VAV1: variants seen among roughly 807,000 people sequenced by gnomAD.
The protein encoded by VAV1 is vav guanine nucleotide exchange factor 1.
VAV1 carries 33 observed loss-of-function variants against 128.1 expected under a neutral mutation model. The ratio of observed to expected loss-of-function variants is 0.26; its 90% CI spans 0.20 to 0.34. The LOEUF is 0.34. VAV1 is among the 10% of genes least tolerant of loss of function. The pLI, the probability that VAV1 is intolerant of heterozygous loss-of-function variation, is 1.00. For synonymous variants in VAV1, 394 were observed against 409.8 expected, an observed-to-expected ratio of 0.96 and a Z score of 0.47; for missense variants, 715 against 1,093.7, an observed-to-expected ratio of 0.65 and a Z score of 4.88.
chr19:6,776,718 A>G (rs932722231), intron 1 of VAV1, among the ~76,000 whole-genome samples: 6 of 141,222 alleles, frequency 4.2e-5, no homozygotes, highest in African/African-American at 1.6e-4. Flanking sequence ...CCACCCACCC[A>G]TCTATCCATG....
intron 21 of VAV1, 58 bp from the exon 22 acceptor site, chr19:6,843,077 C>T: frequency 6.4e-7 from 1 of 1,559,324 alleles, no homozygotes; most frequent in Non-Finnish European, 8.8e-7. Flanking sequence ...AGTGCCCTGC[C>T]CTCTGCTGTC....
At chr19:6,804,736 T>G (rs897079183) in intron 1 of VAV1, among the ~76,000 whole-genome samples, 11 of 149,074 alleles carry the variant, frequency 7.4e-5, no homozygotes, top group Admixed American at 1.3e-4. Flanking sequence ...TTTTTTTTTT[T>G]TTTTTGAGAC....
intron 8 of VAV1, 64 bp downstream of exon 8, chr19:6,825,470 G>A: frequency 1.4e-6 from 2 of 1,423,458 alleles, no homozygotes; most frequent in Non-Finnish European, 2.0e-6. Context: ...CTGGGCATCT[G>A]AGAGACCTTA....
At chr19:6,776,353 T>TGTCCATCCATCC (rs1286305983) in intron 1 of VAV1, among the ~76,000 whole-genome samples, 2 of 72,666 alleles carry the variant, frequency 2.8e-5, no homozygotes, top group African/African-American at 8.9e-5. Flanking sequence ...TCCACTCATC[T>TGTCCATCCATCC]ATCCATCCAT....
chr19:6,825,257 T>C (rs1181205157), intron 7 of VAV1, 46 bp from the exon 8 acceptor site: 2 of 1,588,526 alleles, frequency 1.3e-6, no homozygotes, highest in Admixed American at 3.4e-5. Flanking sequence ...CCTGGCCCCC[T>C]GAGCCCTGGG....
At chr19:6,778,962 G>A (rs927613672) in intron 1 of VAV1, among the ~76,000 whole-genome samples, 4 of 147,380 alleles carry the variant, frequency 2.7e-5, no homozygotes, top group Admixed American at 6.7e-5. Flanking sequence ...CTGCAGCCTC[G>A]AACTCCTGTA....
chr19:6,850,481 C>A (rs907182683), intron 23 of VAV1, among the ~76,000 whole-genome samples, 189 bp from the exon 24 acceptor site: 12 of 151,340 alleles, frequency 7.9e-5, no homozygotes, highest in African/African-American at 2.9e-4. Context: ...TCCTCTTCTA[C>A]GAGAGGAAGA....
intron 18 of VAV1, 55 bp downstream of exon 18, chr19:6,833,788 G>C (rs374052579): frequency 2.7e-5 from 44 of 1,613,782 alleles, no homozygotes; most frequent in Non-Finnish European, 1.5e-5. Flanking sequence ...CAACAGCGCG[G>C]GGAGGACCCA....
chr19:6,836,507 G>A lies in VAV1; in HGVS notation c.1853G>A (p.Arg618Gln), dbSNP rs771801566. 38 of 1,613,862 alleles carry A rather than the reference G, an allele frequency of 2.4e-5. No homozygotes were observed. Among genetic ancestry groups the A allele is most frequent in the Non-Finnish European group, 2.8e-5 (33 of 1,180,014 alleles). The stretch of plus-strand genomic sequence containing the variant: ...CCTGGAGCCATTGGACCCTTTCTAC[G>A]GCTCAACCCTGGAGACATTGTGGAG... ...PPPGAIGPFL[R>Q]LNPGDIVELT... The change falls in exon 20 of 27, where the codon CGG (arginine) becomes CAG (glutamine). Residue 618 changes from arginine to glutamine, a missense_variant. By Grantham distance (43) the Arg-to-Gln change is conservative. Coordinates refer to ENST00000602142, the MANE Select transcript of VAV1 (RefSeq NM_005428.4).
chr19:6,818,321 T>C (rs2144763667), intron 1 of VAV1, among the ~76,000 whole-genome samples: 1 of 152,302 alleles, frequency 6.6e-6, no homozygotes, highest in South Asian at 2.1e-4. Context: ...TTTGCGTGGG[T>C]GCCACAACAA....
Position 6,828,011 on chromosome 19 carries a change from C to T in VAV1, c.928-65C>T, listed in dbSNP as rs542359599. Reference sequence around the variant, plus strand: ...ACGTATTTATTCAAATCTATCTGCACCCACCCTGCAACTGGCTGTTTCTGG... The same window carrying T: ...ACGTATTTATTCAAATCTATCTGCATCCACCCTGCAACTGGCTGTTTCTGG... On this transcript the variant is annotated intron_variant, in intron 9 of 26. Transcript: ENST00000602142. The surrounding 1 kb of genome is among the most constrained non-coding windows in gnomAD (Gnocchi z 4.5). 153 of 1,405,304 alleles carry T rather than the reference C, an allele frequency of 1.1e-4. 2 individuals carry two copies. In the South Asian group the frequency reaches 1.6e-3, roughly 15 times the overall value. 87.1% of individuals were successfully genotyped at this position (1,405,304 alleles called of 1,614,324 possible). A position where few individuals can be genotyped will look rare whatever the true frequency, so the allele number is the denominator to read the frequency against.
At chr19:6,793,871 AT>A (rs945474238) in intron 1 of VAV1, among the ~76,000 whole-genome samples, 1 of 152,202 alleles carries the variant, frequency 6.6e-6, no homozygotes, top group African/African-American at 2.4e-5. Flanking sequence ...TGTTGTAAGA[AT>A]TAAAAATGAG....
intron 1 of VAV1, among the ~76,000 whole-genome samples, chr19:6,814,764 G>T (rs1267355619): frequency 7.5e-6 from 1 of 133,940 alleles, no homozygotes; most frequent in African/African-American, 2.9e-5. Flanking sequence ...TGCAGTACAG[G>T]CTGAGATCTT....
intron 1 of VAV1, among the ~76,000 whole-genome samples, chr19:6,799,615 C>A (rs1329355255): frequency 6.6e-6 from 1 of 152,002 alleles, no homozygotes; most frequent in South Asian, 2.1e-4. Flanking sequence ...CCCCAGCCCC[C>A]GACAGGCCCC....
At chr19:6,839,714 C>T (rs1291402939) in intron 21 of VAV1, among the ~76,000 whole-genome samples, 1 of 151,710 alleles carries the variant, frequency 6.6e-6, no homozygotes, top group Non-Finnish European at 1.5e-5. Context: ...TTTTTGGAGA[C>T]AGGATCTCAC....
At position 6,822,966 on chromosome 19, in the gene VAV1, CAATATATAAATATATAA is replaced by C. The variant is rs1410263712; in HGVS notation, c.654+459_654+475del. On this transcript the variant is annotated intron_variant, in intron 6 of 26. Coordinates refer to ENST00000602142, the MANE Select transcript of VAV1 (RefSeq NM_005428.4). The surrounding 1 kb of genome is among the most constrained non-coding windows in gnomAD (Gnocchi z 5.9). ...TAGAGCTATATGTAAATAATATATA[CAATATATAAATATATAA>C]AATATAAAATGTAGATATATTGATA... is the stretch of plus-strand genomic sequence containing the variant. 4.9e-5 allele frequency among the ~76,000 whole-genome samples: 7 copies of C among 144,202 alleles called. No homozygotes were observed. Among genetic ancestry groups the C allele is most frequent in the African/African-American group, 1.0e-4 (4 of 39,478 alleles). The allele number at this position is 144,202 out of a possible 152,430, so 94.6% of individuals were successfully genotyped here.
intron 1 of VAV1, among the ~76,000 whole-genome samples, chr19:6,780,589 T>TGGG (rs1337081927): frequency 9.4e-5 from 12 of 128,266 alleles, no homozygotes; most frequent in African/African-American, 3.8e-4. Context: ...TTTTTTTTTT[T>TGGG]GGGACGGAGT....
chr19:6,793,381 C>T (rs1383899656), intron 1 of VAV1, among the ~76,000 whole-genome samples: 1 of 151,908 alleles, frequency 6.6e-6, no homozygotes, highest in Non-Finnish European at 1.5e-5. Flanking sequence ...AAAAATGACC[C>T]CAAAAGCAGA....
intron 1 of VAV1, among the ~76,000 whole-genome samples, chr19:6,774,996 C>T (rs931045644): frequency 6.6e-6 from 1 of 150,744 alleles, no homozygotes; most frequent in Non-Finnish European, 1.5e-5. Flanking sequence ...GAACTCCTGA[C>T]CTCAGGTGAT....
Sources: allele counts gnomAD v4.1 joint callset (sites outside exome capture counted in the v4.1 genomes callset), GRCh38; gene constraint gnomAD v4.1.1; non-coding constraint Gnocchi (gnomAD v3.1); transcripts MANE v1.5; gene names NCBI Gene and HGNC (gene_info 2026-07-23, HGNC 2026-07-21).